The following GHR variants were observed in gnomAD, a reference collection of about 807,000 sequenced individuals.
GHR encodes GH receptor.
GHR carries 35 observed loss-of-function variants against 67.1 expected under a neutral mutation model. The ratio of observed to expected loss-of-function variants is 0.52; its 90% CI spans 0.40 to 0.69. The LOEUF (loss-of-function observed/expected upper bound fraction) is 0.69. GHR is among the 30% of genes least tolerant of loss of function. The pLI is 0.00. For synonymous variants in GHR, 272 were observed against 269.1 expected, an observed-to-expected ratio of 1.01 and a Z score of -0.10; for missense variants, 792 against 764.6, an observed-to-expected ratio of 1.04 and a Z score of -0.42.
intron 1 of GHR, among the ~76,000 whole-genome samples, chr5:42,436,209 G>A (rs571173950): frequency 6.6e-6 from 1 of 152,334 alleles, no homozygotes; most frequent in South Asian, 2.1e-4. Context: ...ACCAAGGGAA[G>A]TTAAGTTACT....
intron 6 of GHR, among the ~76,000 whole-genome samples, chr5:42,705,252 G>A (rs1276969251): frequency 1.3e-5 from 2 of 151,858 alleles, no homozygotes; most frequent in Admixed American, 6.6e-5. Context: ...CAGGTAAAAT[G>A]TTAGGTTATT....
In GHR at chr5:42,462,021, T is replaced by C. The variant is rs148684935; in HGVS notation, c.-12+38066T>C. ...GCAGTCTCCTGTCCTGTCAGAAACA[T>C]GGTACCCAGAGGCCAAAGCTGCTGC... On this transcript the variant is annotated intron_variant, in intron 1 of 9. Transcript: ENST00000230882. Among the ~76,000 whole-genome samples, 51 of 152,322 alleles carry C rather than the reference T, an allele frequency of 3.3e-4. 1 individual carries two copies. Among genetic ancestry groups the C allele is most frequent in the Admixed American group, 1.3e-3 (20 of 15,304 alleles).
chr5:42,625,021 T>C (rs1753630206), intron 2 of GHR, among the ~76,000 whole-genome samples: 1 of 152,072 alleles, frequency 6.6e-6, no homozygotes, highest in African/African-American at 2.4e-5. Context: ...CATATGAGAG[T>C]AAATGATCTA....
Position 42,424,646 on chromosome 5 carries a change from T to C in GHR, c.-12+691T>C, listed in dbSNP as rs781659391. 5.1e-5 allele frequency: 77 copies of C among 1,498,862 alleles called. 1 individual carries two copies. The South Asian group carries it at 9.0e-4, about 18-fold the overall frequency. The allele number at this position is 1,498,862 out of a possible 1,614,324, so 92.8% of individuals were successfully genotyped here. On this transcript the variant is annotated intron_variant, in intron 1 of 9. Transcript: ENST00000230882. This position sits in a 1 kb window ranked among gnomAD's most constrained non-coding sequence, Gnocchi z 4.1. The stretch of plus-strand genomic sequence containing the variant: ...CGACCTCCCCCAGCTTTTGACACAC[T>C]AGTGGTTGTAAAATCAACCAGGCTT...
intron 1 of GHR, among the ~76,000 whole-genome samples, chr5:42,444,353 T>C (rs994392829): frequency 6.6e-6 from 1 of 152,216 alleles, no homozygotes; most frequent in African/African-American, 2.4e-5. Flanking sequence ...AAGCTTTGTG[T>C]AGTAAAAAGC....
At chr5:42,613,575 A>G (rs1208025605) in intron 2 of GHR, among the ~76,000 whole-genome samples, 13 of 152,092 alleles carry the variant, frequency 8.5e-5, no homozygotes, top group Non-Finnish European at 8.8e-5. Context: ...AAAACAGGAA[A>G]AATCACCTGT....
intron 1 of GHR, among the ~76,000 whole-genome samples, chr5:42,429,398 G>A (rs1003158904): frequency 1.3e-5 from 2 of 152,186 alleles, no homozygotes; most frequent in Non-Finnish European, 2.9e-5. Flanking sequence ...TGGGGACACA[G>A]CAAAACCATA....
intron 3 of GHR, among the ~76,000 whole-genome samples, chr5:42,643,393 C>G (rs954173171): frequency 6.6e-6 from 1 of 152,186 alleles, no homozygotes; most frequent in Non-Finnish European, 1.5e-5. Flanking sequence ...AAGGGATTAC[C>G]TGTTAACTAC....
intron 1 of GHR, among the ~76,000 whole-genome samples, chr5:42,534,058 A>G (rs985734562): frequency 1.4e-5 from 2 of 147,824 alleles, no homozygotes; most frequent in Non-Finnish European, 3.0e-5. Flanking sequence ...ATATGTATGT[A>G]TATATATGTA....
At chr5:42,568,177 T>C (rs1000085842) in intron 2 of GHR, among the ~76,000 whole-genome samples, 1 of 152,140 alleles carries the variant, frequency 6.6e-6, no homozygotes, top group Non-Finnish European at 1.5e-5. Context: ...AGCAGGGATT[T>C]TCTTGCTTGG....
chr5:42,639,774 CCTTTCTAGATTGTAAGTT>C (rs1376529400), intron 3 of GHR, among the ~76,000 whole-genome samples: 3 of 152,140 alleles, frequency 2.0e-5, no homozygotes, highest in African/African-American at 4.8e-5. Context: ...ATGGTATCTT[CCTTTCTAGATTGTAAGTT>C]CTTTGAGGGC....
chr5:42,662,559 A>C (rs945933341), intron 3 of GHR, among the ~76,000 whole-genome samples: 2 of 152,240 alleles, frequency 1.3e-5, no homozygotes, highest in African/African-American at 4.8e-5. Context: ...GAAACCAACA[A>C]GAACAAAGAC....
intron 3 of GHR, among the ~76,000 whole-genome samples, chr5:42,660,051 G>A (rs968216456): frequency 6.6e-6 from 1 of 152,202 alleles, no homozygotes; most frequent in Non-Finnish European, 1.5e-5. Context: ...CAGCAAGGCT[G>A]GGGGAGGGGC....
intron 2 of GHR, among the ~76,000 whole-genome samples, chr5:42,615,179 G>A (rs1561169633): frequency 6.6e-6 from 1 of 151,508 alleles, no homozygotes; most frequent in Non-Finnish European, 1.5e-5. Flanking sequence ...TAACAAGAAT[G>A]TACCCTTAAA....
At chr5:42,617,647 G>A (rs568181141) in intron 2 of GHR, among the ~76,000 whole-genome samples, 30 of 152,156 alleles carry the variant, frequency 2.0e-4, no homozygotes, top group East Asian at 3.9e-4. Flanking sequence ...TCCCACATTC[G>A]ATCAGGGAAT....
intron 1 of GHR, among the ~76,000 whole-genome samples, chr5:42,563,100 C>T (rs1429267162): frequency 6.6e-6 from 1 of 152,232 alleles, no homozygotes; most frequent in African/African-American, 2.4e-5. Context: ...GAAGAGGTGA[C>T]TTCCAAACCA....
intron 1 of GHR, among the ~76,000 whole-genome samples, chr5:42,518,950 T>C (rs1014137565): frequency 6.6e-6 from 1 of 152,204 alleles, no homozygotes; most frequent in African/African-American, 2.4e-5. Flanking sequence ...CAGGAGGCTC[T>C]TGTGGTCTAA....
At chr5:42,426,315 T>TC (rs1742852131) in intron 1 of GHR, among the ~76,000 whole-genome samples, 1 of 152,240 alleles carries the variant, frequency 6.6e-6, no homozygotes, top group Admixed American at 6.5e-5. Context: ...CTTCTTTGGC[T>TC]ATCTCCTGGT....
At chr5:42,429,734 G>A (rs1179108326) in intron 1 of GHR, among the ~76,000 whole-genome samples, 3 of 152,084 alleles carry the variant, frequency 2.0e-5, no homozygotes, top group Non-Finnish European at 4.4e-5. Context: ...CCCTATCAAG[G>A]AATATCAACC....
Sources: gnomAD v4.1 joint callset for allele counts (sites outside exome capture counted in the v4.1 genomes callset) on GRCh38, gnomAD v4.1.1 for gene constraint, Gnocchi (gnomAD v3.1) non-coding constraint, MANE v1.5 for transcripts, NCBI Gene and HGNC (gene_info 2026-07-23, HGNC 2026-07-21) for gene names.